DLGAP2: variants seen among roughly 807,000 people sequenced by gnomAD.
The protein encoded by DLGAP2 is disks large-associated protein 2.
DLGAP2 carries 26 observed loss-of-function variants against 100.3 expected under a neutral mutation model. The observed-to-expected ratio is 0.26, with a 90% CI of 0.19 to 0.36. The LOEUF is 0.36. Among genes scored for constraint, DLGAP2 ranks in the 10% least tolerant of loss-of-function variants. The pLI, the probability that DLGAP2 is intolerant of heterozygous loss-of-function variation, is 1.00. For synonymous variants in DLGAP2, 886 were observed against 630.1 expected, an observed-to-expected ratio of 1.41 and a Z score of -6.08; for missense variants, 1,858 against 1,453.2, an observed-to-expected ratio of 1.28 and a Z score of -4.53.
chr8:1,046,865 G>A (rs937401206), intron 2 of DLGAP2, among the ~76,000 whole-genome samples: 8 of 151,842 alleles, frequency 5.3e-5, no homozygotes, highest in Non-Finnish European at 1.2e-4. Flanking sequence ...AGCCATCTGG[G>A]GTCAAGGCCT....
chr8:1,485,423 A>G (rs1003434087), intron 3 of DLGAP2, among the ~76,000 whole-genome samples: 2 of 152,280 alleles, frequency 1.3e-5, no homozygotes, highest in Admixed American at 1.3e-4. Flanking sequence ...GTTGAGAGGC[A>G]CAAGTGCCAT....
chr8:1,301,499 G>C (rs1204661899), intron 3 of DLGAP2: 1 of 151,952 alleles, frequency 6.6e-6, no homozygotes, highest in Non-Finnish European at 1.5e-5. Flanking sequence ...AGATAGGTCT[G>C]AGGTTCATGC....
intron 3 of DLGAP2, among the ~76,000 whole-genome samples, chr8:1,488,085 G>A (rs1287570554): frequency 6.6e-6 from 1 of 152,166 alleles, no homozygotes; most frequent in Non-Finnish European, 1.5e-5. Flanking sequence ...TTCAAGCTGT[G>A]GCATATTCTT....
intron 3 of DLGAP2, among the ~76,000 whole-genome samples, chr8:1,429,430 C>G (rs1381268642): frequency 6.6e-6 from 1 of 152,124 alleles, no homozygotes; most frequent in Non-Finnish European, 1.5e-5. Flanking sequence ...AGGATTGTGT[C>G]TTGTTCATTG....
chr8:1,619,643 A>T (rs900555521), intron 6 of DLGAP2: 16 of 152,230 alleles, frequency 1.1e-4, no homozygotes, highest in African/African-American at 3.9e-4. Context: ...AGTATGTGTT[A>T]ACATTAAGTA....
chr8:808,332 A>T (rs939433220), intron 1 of DLGAP2, among the ~76,000 whole-genome samples: 1 of 152,102 alleles, frequency 6.6e-6, no homozygotes, highest in African/African-American at 2.4e-5. Flanking sequence ...GGTGCATTTC[A>T]CTTAGAAAGA....
chr8:815,527 A>G (rs984382263), intron 1 of DLGAP2, among the ~76,000 whole-genome samples: 1 of 152,356 alleles, frequency 6.6e-6, no homozygotes, highest in African/African-American at 2.4e-5. Context: ...TGCTAAGCGG[A>G]AATAAAGATA....
At chr8:1,484,980 C>G (rs1256477438) in intron 3 of DLGAP2, among the ~76,000 whole-genome samples, 1 of 152,170 alleles carries the variant, frequency 6.6e-6, no homozygotes, top group Non-Finnish European at 1.5e-5. Flanking sequence ...AATAAGAAGG[C>G]ATTATCTTAA....
chr8:867,728 A>G (rs913820978), intron 1 of DLGAP2, among the ~76,000 whole-genome samples: 2 of 152,214 alleles, frequency 1.3e-5, no homozygotes, highest in Non-Finnish European at 2.9e-5. Flanking sequence ...TAGTGGATGC[A>G]GGTTTCTCAG....
At chr8:1,381,458 G>C (rs996030383) in intron 3 of DLGAP2, 3 of 152,242 alleles carry the variant, frequency 2.0e-5, no homozygotes, top group Non-Finnish European at 4.4e-5. Flanking sequence ...TGCACCTTGT[G>C]CAGTGATGAC....
At chr8:1,089,612 G>A (rs1342800484) in intron 2 of DLGAP2, among the ~76,000 whole-genome samples, 2 of 152,222 alleles carry the variant, frequency 1.3e-5, no homozygotes, top group Non-Finnish European at 2.9e-5. Flanking sequence ...GGAAGTAGCT[G>A]TTTTGCAAAT....
At chr8:1,124,418 G>A (rs982906640) in intron 2 of DLGAP2, among the ~76,000 whole-genome samples, 5 of 152,192 alleles carry the variant, frequency 3.3e-5, no homozygotes, top group African/African-American at 1.2e-4. Context: ...CTTCTCCTCA[G>A]ACTGTATGTT....
chr8:786,018 C>G (rs894357762), intron 1 of DLGAP2, among the ~76,000 whole-genome samples: 9 of 152,250 alleles, frequency 5.9e-5, no homozygotes, highest in Non-Finnish European at 1.2e-4. Flanking sequence ...GGCTGTGAGC[C>G]TTTTCTGCAG....
chr8:917,537 C>G (rs962971447), intron 2 of DLGAP2, among the ~76,000 whole-genome samples: 2 of 152,100 alleles, frequency 1.3e-5, no homozygotes, highest in Non-Finnish European at 2.9e-5. Flanking sequence ...TGCACCCAGA[C>G]TGATTCTCTT....
intron 3 of DLGAP2, among the ~76,000 whole-genome samples, chr8:1,493,475 A>G (rs1410212689): frequency 6.6e-6 from 1 of 152,156 alleles, no homozygotes; most frequent in African/African-American, 2.4e-5. Flanking sequence ...TCCCTGGATG[A>G]GAATGAAGCA....
intron 2 of DLGAP2, among the ~76,000 whole-genome samples, chr8:1,119,856 A>G (rs549752649): frequency 1.3e-5 from 2 of 152,324 alleles, no homozygotes; most frequent in African/African-American, 4.8e-5. Context: ...AATAAAATAC[A>G]GTGAATGGGG....
intron 6 of DLGAP2, among the ~76,000 whole-genome samples, chr8:1,615,491 CCAGAAAGATCTTTAAA>C (rs1563258074): frequency 6.6e-6 from 1 of 152,094 alleles, no homozygotes; most frequent in Non-Finnish European, 1.5e-5. Flanking sequence ...GTAGAACTCA[CCAGAAAGATCTTTAAA>C]CAGCCATTGT....
intron 2 of DLGAP2, among the ~76,000 whole-genome samples, chr8:1,001,284 T>A (rs990677281): frequency 4.6e-5 from 7 of 152,336 alleles, no homozygotes; most frequent in Admixed American, 3.3e-4. Flanking sequence ...GTCAGAAGCC[T>A]GAGAACTTGA....
At position 960,237 on chromosome 8, in the gene DLGAP2, C is replaced by CTTT. The variant is rs71528625; in HGVS notation, c.73+52284_73+52286dup. Among the ~76,000 whole-genome samples, 50 of 44,652 alleles carry CTTT rather than the reference C, an allele frequency of 1.1e-3. 9 individuals are homozygous for CTTT. Among genetic ancestry groups the CTTT allele is most frequent in the South Asian group, 2.3e-3 (2 of 882 alleles). The allele number at this position is 44,652 out of a possible 152,430, so 29.3% of individuals were successfully genotyped here. A position where few individuals can be genotyped will look rare whatever the true frequency, so the allele number is the denominator to read the frequency against. ...TTGGGCAATTATTCCTGAAGTATAT[C>CTTT]TTTTTTTTTTTTTTTCCCGAGACAC... On this transcript the variant is annotated intron_variant, in intron 2 of 14. Transcript: ENST00000637795.
Sources: allele counts gnomAD v4.1 joint callset (sites outside exome capture counted in the v4.1 genomes callset), GRCh38; gene constraint gnomAD v4.1.1; transcripts MANE v1.5; gene names NCBI Gene and HGNC (gene_info 2026-07-23, HGNC 2026-07-21).